CYP4F22: variants seen among roughly 807,000 people sequenced by gnomAD.
CYP4F22 encodes the protein cytochrome P450 family 4 subfamily F member 22.
CYP4F22 carries 37 observed loss-of-function variants against 60.4 expected under a neutral mutation model. The observed-to-expected ratio is 0.61, with a 90% CI of 0.47 to 0.81. CYP4F22 has a LOEUF of 0.81. Ranked by LOEUF, CYP4F22 falls within the 30% of genes least tolerant of loss-of-function variation. CYP4F22 has a pLI of 0.00. For synonymous variants in CYP4F22, 258 were observed against 280.5 expected (o/e 0.92, Z 0.80); for missense variants, 655 against 715.0 (o/e 0.92, Z 0.96).
Position 15,551,363 on chromosome 19 carries a change from C to G in CYP4F22, c.1488C>G (p.Phe496Leu), listed in dbSNP as rs1568365205. The change falls in exon 14 of 14, where the codon TTC (phenylalanine) becomes TTG (leucine). Residue 496 changes from phenylalanine to leucine, a missense_variant. Physicochemically the swap from Phe to Leu is conservative, Grantham distance 22. Around this residue, in one of 3 missense-constraint regions of CYP4F22, gnomAD observed 151 missense variants for 139.4 expected, o/e 1.08. Transcript: ENST00000269703. ...TTGTGGCACTAACACTGCTACGTTTCCGCCTGAGCGTGGACCGAACGCGCA... is the reference window on the plus strand; with the variant it reads ...TTGTGGCACTAACACTGCTACGTTTGCGCCTGAGCGTGGACCGAACGCGCA... ...RVVVALTLLR[F>L]RLSVDRTRKV... The G allele has an allele frequency of 6.2e-7, 1 of 1,613,236 alleles. No individual in the cohort carries two copies. Among genetic ancestry groups the G allele is most frequent in the African/African-American group, 1.3e-5 (1 of 75,036 alleles).
intron 11 of CYP4F22, 102 bp downstream of exon 11, chr19:15,548,343 C>T (rs538005111): frequency 3.9e-6 from 6 of 1,534,594 alleles, no homozygotes; most frequent in Non-Finnish European, 5.4e-6. Flanking sequence ...GTGCACTATC[C>T]CTGCAGATGG....
chr19:15,511,336 G>A (rs1971089903), intron 1 of CYP4F22, among the ~76,000 whole-genome samples: 1 of 151,884 alleles, frequency 6.6e-6, no homozygotes, highest in African/African-American at 2.4e-5. Flanking sequence ...GCAGGCGCCT[G>A]TAGTCCCAGC....
chr19:15,544,999 T>G (rs1176761662), intron 10 of CYP4F22, among the ~76,000 whole-genome samples: 1 of 152,066 alleles, frequency 6.6e-6, no homozygotes, highest in Non-Finnish European at 1.5e-5. Flanking sequence ...AGGTGGAGTT[T>G]GCAGTGAGCT....
At chr19:15,511,909 C>T (rs1971096803) in intron 1 of CYP4F22, among the ~76,000 whole-genome samples, 1 of 152,260 alleles carries the variant, frequency 6.6e-6, no homozygotes, top group Non-Finnish European at 1.5e-5. Context: ...GAGCCAGTCG[C>T]TGGCTTTCAC....
At chr19:15,517,650 C>G (rs1179758161) in intron 1 of CYP4F22, among the ~76,000 whole-genome samples, 3 of 152,206 alleles carry the variant, frequency 2.0e-5, no homozygotes, top group Non-Finnish European at 4.4e-5. Context: ...GTTGGGGGCT[C>G]TAGCTGTGAT....
chr19:15,535,456 T>G (rs757714390), intron 4 of CYP4F22, among the ~76,000 whole-genome samples: 9 of 152,182 alleles, frequency 5.9e-5, no homozygotes, highest in Non-Finnish European at 1.0e-4. Flanking sequence ...TGAGTCGCAT[T>G]CAGGTAAAAG....
chr19:15,513,872 C>A (rs1971124199), intron 1 of CYP4F22, among the ~76,000 whole-genome samples: 1 of 152,200 alleles, frequency 6.6e-6, no homozygotes, highest in Non-Finnish European at 1.5e-5. Context: ...AAACATAGGT[C>A]ATACTTTTCA....
chr19:15,537,951 G>A lies in CYP4F22; in HGVS notation c.629G>A (p.Ser210Asn), dbSNP rs1220342758. Residue 210 changes from serine (S) to asparagine (N), a missense_variant, in exon 7 of 14, where the codon AGT becomes AAT. Coordinates refer to ENST00000269703, the MANE Select transcript of CYP4F22 (RefSeq NM_173483.4). ...FEHISLMTLD[S>N]LQKCVFSYNS... ...CATATCAGCCTCATGACCCTGGACA[G>A]TCTTCAGAAATGTGTCTTCAGCTAC... is the stretch of plus-strand genomic sequence containing the variant. 6 of 1,614,172 alleles carry A rather than the reference G, an allele frequency of 3.7e-6. No homozygotes were observed. Among genetic ancestry groups the A allele is most frequent in the Non-Finnish European group, 5.1e-6 (6 of 1,180,024 alleles).
At chr19:15,514,897 G>GA (rs1971135986) in intron 1 of CYP4F22, among the ~76,000 whole-genome samples, 1 of 152,158 alleles carries the variant, frequency 6.6e-6, no homozygotes, top group Non-Finnish European at 1.5e-5. Context: ...GACTTTCTCT[G>GA]GTGCTTTTAG....
chr19:15,550,885 T>A, intron 13 of CYP4F22, 129 bp downstream of exon 13: 2 of 1,107,256 alleles, frequency 1.8e-6, no homozygotes, highest in South Asian at 2.5e-5. Context: ...CCCAGCACCC[T>A]CTCCCCAATG....
At chr19:15,523,495 A>AC (rs1184718334) in intron 1 of CYP4F22, among the ~76,000 whole-genome samples, 198 bp from the exon 2 acceptor site, 2 of 152,104 alleles carry the variant, frequency 1.3e-5, no homozygotes, top group Non-Finnish European at 2.9e-5. Flanking sequence ...CTTCCACTAG[A>AC]CCCCATCTCC....
At chr19:15,531,379 T>A (rs1971341043) in intron 4 of CYP4F22, among the ~76,000 whole-genome samples, 1 of 54,474 alleles carries the variant, frequency 1.8e-5, no homozygotes, top group Non-Finnish European at 3.3e-5. Context: ...CAAGGCTTAG[T>A]CTCTTAAAAA....
chr19:15,540,807 A>G, intron 8 of CYP4F22, 90 bp downstream of exon 8: 1 of 1,526,164 alleles, frequency 6.6e-7, no homozygotes, highest in Non-Finnish European at 9.0e-7. Context: ...AAACTCCATT[A>G]GGCGTGGTGG....
chr19:15,529,903 C>G, intron 4 of CYP4F22, 50 bp downstream of exon 4: 1 of 1,611,272 alleles, frequency 6.2e-7, no homozygotes. Context: ...ACTCCCAGAG[C>G]CTATCTGAGA....
intron 8 of CYP4F22, among the ~76,000 whole-genome samples, chr19:15,541,538 G>T (rs117915232): frequency 1.2e-4 from 19 of 152,194 alleles, no homozygotes; most frequent in East Asian, 7.7e-4. Context: ...TCTAGCGGAG[G>T]GGGGGTGGGC....
In CYP4F22 at chr19:15,551,561, C is replaced by T; in HGVS notation, c.*90C>T. On this transcript the variant is annotated 3_prime_UTR_variant, in exon 14 of 14. Transcript: ENST00000269703. ...CCAAAGATCCCGAGGGCATAGGCCA[C>T]CCCCCTCGAAGTTCAGGTTCAGCTC... The T allele has an allele frequency of 6.9e-7, 1 of 1,440,780 alleles. No homozygotes were observed. 89.2% of individuals were successfully genotyped at this position (1,440,780 alleles called of 1,614,324 possible).
Position 15,550,701 on chromosome 19 carries a change from G to T in CYP4F22, c.1363G>T (p.Asp455Tyr). Residue 455 changes from aspartate to tyrosine, a missense_variant, in exon 13 of 14, where the codon GAC becomes TAC. Coordinates refer to ENST00000269703, the MANE Select transcript of CYP4F22 (RefSeq NM_173483.4). ...KVYNPYRFDP[D>Y]NPQQRSPLAY... ...GTACAACCCCTACCGCTTTGACCCGGACAACCCACAGCAGCGCTCTCCACT... is the reference window on the plus strand; with the variant it reads ...GTACAACCCCTACCGCTTTGACCCGTACAACCCACAGCAGCGCTCTCCACT... 3.1e-6 allele frequency: 5 copies of T among 1,614,138 alleles called. No homozygotes were observed. The highest frequency in any genetic ancestry group is 4.2e-6 in the Non-Finnish European group (5 of 1,180,028).
intron 4 of CYP4F22, among the ~76,000 whole-genome samples, chr19:15,535,974 G>A (rs984744151): frequency 2.0e-5 from 3 of 152,130 alleles, no homozygotes; most frequent in Non-Finnish European, 4.4e-5. Context: ...GAGTGTTTGG[G>A]GCAGAGAGAA....
chr19:15,544,327 C>T, intron 10 of CYP4F22, 48 bp downstream of exon 10: 1 of 1,589,372 alleles, frequency 6.3e-7, no homozygotes, highest in Non-Finnish European at 8.6e-7. Context: ...AGGCCAGAGC[C>T]TTGGGTGTAA....
Sources: allele counts gnomAD v4.1 joint callset (sites outside exome capture counted in the v4.1 genomes callset), GRCh38; gene constraint gnomAD v4.1.1; regional missense constraint gnomAD v4.1.1; transcripts MANE v1.5; gene names NCBI Gene and HGNC (gene_info 2026-07-23, HGNC 2026-07-21).